The following NBN variants were observed in gnomAD, a reference collection of about 807,000 sequenced individuals.
NBN encodes the protein Nijmegen breakage syndrome 1 (nibrin).
In NBN, 88 loss-of-function variants were observed where a neutral mutation model predicts 90.8. That is an observed-to-expected ratio of 0.97 (90% CI 0.82 to 1.16). NBN has a LOEUF of 1.16. NBN is among the 50% of genes most tolerant of loss of function. The probability of loss-of-function intolerance (pLI) is 0.00; values close to 1 mark genes in which losing one functional copy is unlikely to be tolerated. For synonymous variants in NBN, 328 were observed against 295.1 expected (o/e 1.11, Z -1.14); for missense variants, 894 against 869.6 (o/e 1.03, Z -0.35).
At chr8:89,942,152 A>G (rs1809978733) in intron 14 of NBN, among the ~76,000 whole-genome samples, 1 of 152,208 alleles carries the variant, frequency 6.6e-6, no homozygotes, top group Non-Finnish European at 1.5e-5. Flanking sequence ...AATAAACCTT[A>G]CAACACAGAA....
intron 14 of NBN, among the ~76,000 whole-genome samples, chr8:89,940,760 T>C (rs1172054997): frequency 6.6e-6 from 1 of 151,304 alleles, no homozygotes; most frequent in African/African-American, 2.4e-5. Context: ...AAAAATCAGA[T>C]AATAGAACAA....
chr8:89,964,320 C>T (rs1236156290), intron 8 of NBN, 90 bp downstream of exon 8: 3 of 1,395,760 alleles, frequency 2.1e-6, no homozygotes, highest in African/African-American at 1.4e-5. Flanking sequence ...AATATGGTCA[C>T]CCCTAGCAAG....
At chr8:89,947,986 A>G in intron 11 of NBN, 94 bp from the exon 12 acceptor site, 2 of 729,670 alleles carry the variant, frequency 2.7e-6, no homozygotes, top group Non-Finnish European at 4.5e-6. Flanking sequence ...GAAGTGTAAA[A>G]TGGTTCCTTT....
At chr8:89,937,111 G>C (rs1563497969) in intron 14 of NBN, 36 bp from the exon 15 acceptor site, 1 of 1,595,054 alleles carries the variant, frequency 6.3e-7, no homozygotes, top group Non-Finnish European at 8.6e-7. Context: ...CATTTGCTCA[G>C]TGGTGAATAT....
chr8:89,969,608 A>G (rs1055014610), intron 7 of NBN, among the ~76,000 whole-genome samples: 4 of 152,246 alleles, frequency 2.6e-5, no homozygotes, highest in African/African-American at 9.6e-5. Context: ...TATCTAATAT[A>G]CCAAGTCACA....
chr8:89,942,693 G>C (rs549915405), intron 14 of NBN, among the ~76,000 whole-genome samples: 5 of 152,110 alleles, frequency 3.3e-5, no homozygotes, highest in African/African-American at 1.2e-4. Context: ...GTAGTAAATC[G>C]GAAGATGATC....
At chr8:89,943,158 A>T in intron 14 of NBN, 95 bp downstream of exon 14, 1 of 1,310,650 alleles carries the variant, frequency 7.6e-7, no homozygotes, top group East Asian at 2.3e-5. Flanking sequence ...TATGTCACTT[A>T]TTTTAATTTG....
In NBN at chr8:89,970,586, G is replaced by A. The variant is rs104895034; in HGVS notation, c.703-29C>T. On this transcript the variant is annotated intron_variant, in intron 6 of 15. Coordinates refer to ENST00000265433, the MANE Select transcript of NBN (RefSeq NM_002485.5). ...AAAATGGAAGGAAACATTTTTTAAAGTAAAATGTAGTAATTTTTTGAACAC... is the reference window on the plus strand; with the variant it reads ...AAAATGGAAGGAAACATTTTTTAAAATAAAATGTAGTAATTTTTTGAACAC... The A allele has an allele frequency of 0.012, 19,591 of 1,586,668 alleles. 249 individuals are homozygous for A. Among genetic ancestry groups the A allele is most frequent in the Non-Finnish European group, 0.011 (13,102 of 1,156,224 alleles).
intron 5 of NBN, among the ~76,000 whole-genome samples, chr8:89,975,092 C>G (rs563202038): frequency 6.6e-6 from 1 of 152,290 alleles, no homozygotes; most frequent in Non-Finnish European, 1.5e-5. Context: ...TAAATGTATT[C>G]TTCTAAAAAT....
intron 7 of NBN, among the ~76,000 whole-genome samples, chr8:89,965,634 C>T (rs941090200): frequency 3.9e-5 from 6 of 151,922 alleles, no homozygotes; most frequent in South Asian, 2.1e-4. Context: ...GAACCACAGG[C>T]GCGCACCAAC....
At chr8:89,943,452 T>A in intron 13 of NBN, 86 bp from the exon 14 acceptor site, 1 of 1,350,180 alleles carries the variant, frequency 7.4e-7, no homozygotes, top group Non-Finnish European at 1.0e-6. Flanking sequence ...GCAAAGATGG[T>A]AAATCATGCA....
intron 10 of NBN, 61 bp downstream of exon 10, chr8:89,955,222 A>G: frequency 6.7e-7 from 1 of 1,487,660 alleles, no homozygotes; most frequent in Non-Finnish European, 9.3e-7. Flanking sequence ...ACCATTCTAC[A>G]ACAGTATAAA....
intron 9 of NBN, among the ~76,000 whole-genome samples, chr8:89,957,125 G>T (rs114389785): frequency 2.1e-3 from 322 of 152,152 alleles, no homozygotes; most frequent in African/African-American, 7.5e-3. Flanking sequence ...CTTTAAAACA[G>T]TCTCAGGCAG....
At chr8:89,950,061 C>T (rs1231515018) in intron 11 of NBN, among the ~76,000 whole-genome samples, 1 of 152,184 alleles carries the variant, frequency 6.6e-6, no homozygotes, top group Non-Finnish European at 1.5e-5. Context: ...ATAAAGGGTT[C>T]GCTGCATGTG....
chr8:89,978,261 C>T lies in NBN; in HGVS notation c.543G>A (p.Leu181=), dbSNP rs876660833. 6.2e-7 allele frequency: 1 copy of T among 1,604,374 alleles called. No homozygotes were observed. Among genetic ancestry groups the T allele is most frequent in the South Asian group, 1.1e-5 (1 of 90,784 alleles). The change falls in exon 5 of 16, where the codon CTG becomes CTA. Residue 181 remains leucine (L), a synonymous_variant. Coordinates refer to ENST00000265433, the MANE Select transcript of NBN (RefSeq NM_002485.5). ...GCTGCTTCTTGGACTCAACTGCTTT[C>T]AGGAATTCAGTAAAATATTCTGGCT... is the stretch of plus-strand genomic sequence containing the variant. ...IVKPEYFTEF[L]KAVESKKQPP... is the part of the protein sequence containing the mutation.
At chr8:89,940,607 C>A in intron 14 of NBN, among the ~76,000 whole-genome samples, 2 of 144,722 alleles carry the variant, frequency 1.4e-5, no homozygotes, top group Non-Finnish European at 1.5e-5. Flanking sequence ...AACAGAAAAG[C>A]TACTCCATCT....
At chr8:89,961,670 A>G (rs988508514) in intron 8 of NBN, among the ~76,000 whole-genome samples, 1 of 152,206 alleles carries the variant, frequency 6.6e-6, no homozygotes, top group Non-Finnish European at 1.5e-5. Context: ...GAAACTATGT[A>G]AAAAAGGCGA....
rs556304822 is a variant in NBN at position 89,935,974 on chromosome 8, T to C, written c.2235-362A>G. 276 of 339,534 alleles carry C rather than the reference T, an allele frequency of 8.1e-4. 4 individuals carry two copies. The highest frequency in any genetic ancestry group is 6.5e-3 in the South Asian group (268 of 41,112). 21.0% of individuals were successfully genotyped at this position (339,534 alleles called of 1,614,324 possible). On this transcript the variant is annotated intron_variant, in intron 15 of 15. Coordinates refer to ENST00000265433, the MANE Select transcript of NBN (RefSeq NM_002485.5). ...ATATCATTTGCACAAAAGAGCATAA[T>C]CTACTTAAATGTAATTAGCACTTTA...
chr8:89,950,280 A>T (rs984924748), intron 11 of NBN, among the ~76,000 whole-genome samples: 8 of 151,986 alleles, frequency 5.3e-5, no homozygotes, highest in Non-Finnish European at 8.8e-5. Context: ...AGTCCCTGAT[A>T]AAAAAAAGCA....
Sources: allele counts gnomAD v4.1 joint callset (sites outside exome capture counted in the v4.1 genomes callset), GRCh38; gene constraint gnomAD v4.1.1; transcripts MANE v1.5; gene names NCBI Gene and HGNC (gene_info 2026-07-23, HGNC 2026-07-21).